The following CDH13 variants were observed in gnomAD, a reference collection of about 807,000 sequenced individuals.
CDH13 encodes cadherin 13.
CDH13 carries 24 observed loss-of-function variants against 63.8 expected under a neutral mutation model. The ratio of observed to expected loss-of-function variants is 0.38; its 90% CI spans 0.27 to 0.53. The LOEUF is 0.53. CDH13 is among the 20% of genes least tolerant of loss of function. The pLI is 0.85. For synonymous variants in CDH13, 503 were observed against 355.3 expected, an observed-to-expected ratio of 1.42 and a Z score of -4.67; for missense variants, 1,049 against 903.1, an observed-to-expected ratio of 1.16 and a Z score of -2.07.
intron 4 of CDH13, among the ~76,000 whole-genome samples, chr16:83,125,776 G>C (rs983287969): frequency 2.0e-5 from 3 of 152,176 alleles, no homozygotes; most frequent in African/African-American, 4.8e-5. Context: ...AAGAAACAAG[G>C]CTCATTGCTT....
At chr16:82,854,174 C>T (rs912738397) in intron 1 of CDH13, among the ~76,000 whole-genome samples, 15 of 152,054 alleles carry the variant, frequency 9.9e-5, no homozygotes, top group African/African-American at 2.9e-4. Context: ...CCGAGGCAGG[C>T]GGATCACGAG....
At chr16:83,596,431 AT>A (rs5818459) in intron 7 of CDH13, among the ~76,000 whole-genome samples, 48,938 of 151,980 alleles carry the variant, frequency 0.32, 10,243 homozygotes, top group African/African-American at 0.58. Context: ...TTACCTGTGA[AT>A]TTAGTCAATT....
At chr16:83,151,236 A>C (rs1036420102) in intron 4 of CDH13, among the ~76,000 whole-genome samples, 31 of 152,340 alleles carry the variant, frequency 2.0e-4, no homozygotes, top group Admixed American at 9.1e-4. Flanking sequence ...GTGGTGACAC[A>C]ATATGCTCCA....
rs536804575 is a variant in CDH13, at chr16:83,636,628, C to T, written c.1101+34034C>T. ...ATGATTTCATTATTTTCTATGGTTA[C>T]ATAGTATTCCACGGTGTTTTCTAAC... On this transcript the variant is annotated intron_variant, in intron 8 of 13. Transcript: ENST00000567109. 1.1e-4 allele frequency among the ~76,000 whole-genome samples: 16 copies of T among 152,314 alleles called. No homozygotes were observed. In the East Asian group the frequency reaches 2.7e-3, roughly 26 times the overall value.
intron 1 of CDH13, among the ~76,000 whole-genome samples, chr16:82,698,990 A>T (rs2030669177): frequency 6.6e-6 from 1 of 152,206 alleles, no homozygotes; most frequent in Non-Finnish European, 1.5e-5. Context: ...GGCTGTATAA[A>T]AATAGACTGC....
At chr16:83,558,626 T>C (rs1335980072) in intron 7 of CDH13, among the ~76,000 whole-genome samples, 1 of 149,758 alleles carries the variant, frequency 6.7e-6, no homozygotes, top group Non-Finnish European at 1.5e-5. Flanking sequence ...TGAATGCAAG[T>C]GGAACTTTTT....
At chr16:83,643,328 C>T (rs1911486959) in intron 8 of CDH13, among the ~76,000 whole-genome samples, 1 of 149,682 alleles carries the variant, frequency 6.7e-6, no homozygotes, top group Admixed American at 6.7e-5. Flanking sequence ...CAGATCTCTC[C>T]ACACACCTGA....
At chr16:82,791,499 C>G (rs2036302860) in intron 1 of CDH13, among the ~76,000 whole-genome samples, 1 of 152,188 alleles carries the variant, frequency 6.6e-6, no homozygotes, top group South Asian at 2.1e-4. Flanking sequence ...GGGTCCCCTC[C>G]CATTGTATGG....
At chr16:83,755,772 G>A (rs1430501019) in intron 11 of CDH13, among the ~76,000 whole-genome samples, 1 of 150,608 alleles carries the variant, frequency 6.6e-6, no homozygotes, top group Non-Finnish European at 1.5e-5. Flanking sequence ...AAATGGAATT[G>A]TATTGCAAGC....
At chr16:83,118,134 G>A (rs547012411) in intron 3 of CDH13, among the ~76,000 whole-genome samples, 12 of 152,260 alleles carry the variant, frequency 7.9e-5, no homozygotes, top group South Asian at 2.1e-4. Context: ...AAGATGCTGC[G>A]GATCACTGTC....
chr16:83,627,957 C>T (rs1435155018), intron 8 of CDH13, among the ~76,000 whole-genome samples: 3 of 152,096 alleles, frequency 2.0e-5, no homozygotes, highest in Non-Finnish European at 4.4e-5. Flanking sequence ...CTTTTTAGAC[C>T]GTATAGGGTA....
At chr16:83,263,434 C>G (rs1724146098) in intron 5 of CDH13, among the ~76,000 whole-genome samples, 1 of 152,060 alleles carries the variant, frequency 6.6e-6, no homozygotes, top group Non-Finnish European at 1.5e-5. Context: ...CTGGTTCTTC[C>G]TCTTGAGATA....
intron 5 of CDH13, among the ~76,000 whole-genome samples, chr16:83,242,028 G>T (rs564913611): frequency 1.3e-5 from 2 of 152,236 alleles, no homozygotes; most frequent in African/African-American, 4.8e-5. Flanking sequence ...CATGAGGTAA[G>T]GGTCTAAGTT....
At chr16:83,249,612 C>T (rs1054300259) in intron 5 of CDH13, among the ~76,000 whole-genome samples, 2 of 152,212 alleles carry the variant, frequency 1.3e-5, no homozygotes, top group Non-Finnish European at 2.9e-5. Flanking sequence ...TAAGATCTGA[C>T]ACCGTGTGTC....
intron 3 of CDH13, among the ~76,000 whole-genome samples, chr16:83,104,820 A>G (rs2034685589): frequency 6.6e-6 from 1 of 152,222 alleles, no homozygotes; most frequent in Admixed American, 6.5e-5. Context: ...AAGCTAACGA[A>G]CAAAAACAAG....
chr16:82,994,825 C>A (rs187226936), intron 2 of CDH13, among the ~76,000 whole-genome samples: 5 of 152,198 alleles, frequency 3.3e-5, no homozygotes, highest in Non-Finnish European at 5.9e-5. Flanking sequence ...GATTTCAGAC[C>A]ACTATTAATA....
chr16:83,203,678 A>G (rs1458545553), intron 4 of CDH13, among the ~76,000 whole-genome samples: 1 of 151,218 alleles, frequency 6.6e-6, no homozygotes, highest in African/African-American at 2.4e-5. Flanking sequence ...AAAAAAAAAA[A>G]AAAGATTTAA....
rs550844290 is a variant in CDH13 at position 82,908,218 on chromosome 16, C to A, written c.157+49745C>A. Among the ~76,000 whole-genome samples, 46 of 152,156 alleles carry A rather than the reference C, an allele frequency of 3.0e-4. 1 individual carries two copies. The South Asian group carries it at 8.5e-3, about 28-fold the overall frequency. On this transcript the variant is annotated intron_variant, in intron 2 of 13. Transcript: ENST00000567109. ...ACCTTGACATTCCACAGGATATTGT[C>A]CCATGAATACAAAAGGTGATGGGTA... is the stretch of plus-strand genomic sequence containing the variant.
At chr16:82,708,976 T>C (rs898808390) in intron 1 of CDH13, among the ~76,000 whole-genome samples, 1 of 152,186 alleles carries the variant, frequency 6.6e-6, no homozygotes, top group Admixed American at 6.5e-5. Flanking sequence ...GAGTCCTGAG[T>C]GATGAGTTCA....
Sources: gnomAD v4.1 joint callset for allele counts (sites outside exome capture counted in the v4.1 genomes callset) on GRCh38, gnomAD v4.1.1 for gene constraint, MANE v1.5 for transcripts, NCBI Gene and HGNC (gene_info 2026-07-23, HGNC 2026-07-21) for gene names.